The following BRWD1 variants were observed in gnomAD, a reference collection of about 807,000 sequenced individuals.
BRWD1 encodes bromodomain and WD repeat-containing protein 1.
A neutral mutation model predicts 251.2 loss-of-function variants in BRWD1; 82 were observed. That is an observed-to-expected ratio of 0.33 (90% confidence interval 0.27 to 0.39). The LOEUF is 0.39. Among genes scored for constraint, BRWD1 ranks in the 10% least tolerant of loss-of-function variants. The pLI is 1.00. For missense variants in BRWD1, 2,233 were observed against 2,711.6 expected (o/e 0.82, Z 3.92); for synonymous variants, 918 against 902.8 (o/e 1.02, Z -0.30).
intron 9 of BRWD1, among the ~76,000 whole-genome samples, chr21:39,279,372 C>G (rs1372310246): frequency 6.6e-6 from 1 of 152,116 alleles, no homozygotes; most frequent in African/African-American, 2.4e-5. Context: ...GGCGTGGTGG[C>G]TCACGCCTGT....
chr21:39,197,179 G>GT lies in BRWD1; in HGVS notation c.5889dup (p.Pro1964ThrfsTer10), dbSNP rs1432276975. The GT allele has an allele frequency of 1.9e-6, 3 of 1,614,078 alleles. No individual in the cohort carries two copies. The highest frequency in any genetic ancestry group is 2.5e-6 in the Non-Finnish European group (3 of 1,179,958). ...GCTGTAGTACAAGCAAGATGGAGAG[G>GT]TTTTTTCCTTCCATTTTTGCTTCTA... On this transcript the variant is annotated frameshift_variant, in exon 41 of 41. Transcript: ENST00000342449. LOFTEE classifies it low-confidence loss of function (END_TRUNC).
chr21:39,303,166 T>A (rs1490971767), intron 4 of BRWD1, among the ~76,000 whole-genome samples: 1 of 152,142 alleles, frequency 6.6e-6, no homozygotes, highest in Admixed American at 6.5e-5. Context: ...ATATTGGTAA[T>A]GTATATTGAA....
chr21:39,277,664 A>G (rs2035320785), intron 10 of BRWD1, among the ~76,000 whole-genome samples: 2 of 152,066 alleles, frequency 1.3e-5, no homozygotes, highest in South Asian at 4.2e-4. Flanking sequence ...CCCAGGTTCA[A>G]GTAATTCTAC....
Position 39,210,832 on chromosome 21 carries a change from T to C in BRWD1, c.3998A>G (p.Glu1333Gly). 2 of 1,612,904 alleles carry C rather than the reference T, an allele frequency of 1.2e-6. No individual in the cohort carries two copies. Among genetic ancestry groups the C allele is most frequent in the Non-Finnish European group, 1.7e-6 (2 of 1,179,554 alleles). The change falls in exon 35 of 41, where the codon GAA (glutamate) becomes GGA (glycine). Residue 1333 changes from glutamate to glycine, a missense_variant. Transcript: ENST00000342449. ...KELVNLIFQC[E>G]DSEPFRQPVD... is the part of the protein sequence containing the mutation. ...AGGTTGTCTAAATGGTTCAGAATCTTCACACTGAAAAATTAAGTTCACTAG... is the reference window on the plus strand; with the variant it reads ...AGGTTGTCTAAATGGTTCAGAATCTCCACACTGAAAAATTAAGTTCACTAG...
chr21:39,253,189 T>C (rs1383800621), intron 19 of BRWD1, among the ~76,000 whole-genome samples: 1 of 147,092 alleles, frequency 6.8e-6, no homozygotes, highest in Non-Finnish European at 1.5e-5. Flanking sequence ...CTCTGGAGGC[T>C]GAGGCAAGAG....
chr21:39,250,192 A>T (rs2034349078), intron 20 of BRWD1, among the ~76,000 whole-genome samples: 1 of 152,132 alleles, frequency 6.6e-6, no homozygotes, highest in African/African-American at 2.4e-5. Context: ...ATCCCAAGGA[A>T]CTAAGGCCCA....
intron 4 of BRWD1, among the ~76,000 whole-genome samples, chr21:39,304,957 A>ATT (rs36090972): frequency 0.48 from 57,370 of 120,670 alleles, 14,625 homozygotes; most frequent in South Asian, 0.53. Context: ...ATATTTGGAG[A>ATT]TTTTTTTTTT....
chr21:39,228,862 TA>T (rs537030750), intron 26 of BRWD1, among the ~76,000 whole-genome samples: 24 of 151,602 alleles, frequency 1.6e-4, no homozygotes, highest in Non-Finnish European at 2.8e-4. Flanking sequence ...TTCATTTCTT[TA>T]AAAAAAAATG....
intron 32 of BRWD1, among the ~76,000 whole-genome samples, chr21:39,215,024 C>G (rs776090502): frequency 2.7e-5 from 4 of 149,872 alleles, no homozygotes; most frequent in East Asian, 4.0e-4. Context: ...CCCGCCACCA[C>G]GCCCGGCTAA....
chr21:39,295,223 G>T (rs1415159702), intron 7 of BRWD1, among the ~76,000 whole-genome samples: 1 of 113,694 alleles, frequency 8.8e-6, no homozygotes, highest in Admixed American at 1.3e-4. Flanking sequence ...ATCTCGCTCT[G>T]TCGCCCAGGC....
chr21:39,215,122 C>T (rs1319004774), intron 32 of BRWD1, 115 bp downstream of exon 32: 13 of 1,033,706 alleles, frequency 1.3e-5, no homozygotes, highest in African/African-American at 4.8e-5. Context: ...TGACGGCCTT[C>T]ACTTCCCAAA....
Position 39,238,651 on chromosome 21 carries a change from C to A in BRWD1, c.2482-78G>T. On this transcript the variant is annotated intron_variant, in intron 21 of 40. Coordinates refer to ENST00000342449, the MANE Select transcript of BRWD1 (RefSeq NM_033656.4). ...TGTCCAGAAAAAAGCTGTACACAAT[C>A]CTCCCCAGTAAGATTAAATCATCTA... 6.7e-6 allele frequency: 6 copies of A among 890,602 alleles called. No individual in the cohort carries two copies. In the South Asian group the frequency reaches 7.1e-5, roughly 11 times the overall value. The allele number at this position is 890,602 out of a possible 1,614,324, so 55.2% of individuals were successfully genotyped here.
At chr21:39,271,198 A>C (rs2035088034) in intron 13 of BRWD1, among the ~76,000 whole-genome samples, 2 of 152,272 alleles carry the variant, frequency 1.3e-5, no homozygotes, top group South Asian at 4.1e-4. Flanking sequence ...AGGCTGAGGC[A>C]GGAGAATCAT....
At chr21:39,300,941 G>A (rs1002777775) in intron 4 of BRWD1, among the ~76,000 whole-genome samples, 4 of 152,156 alleles carry the variant, frequency 2.6e-5, no homozygotes, top group African/African-American at 9.7e-5. Flanking sequence ...CACTTTGGGA[G>A]GCCAAGGCGG....
chr21:39,269,968 T>C lies in BRWD1; in HGVS notation c.1461A>G (p.Ala487=), dbSNP rs755881276. 3.1e-6 allele frequency: 5 copies of C among 1,593,730 alleles called. No individual in the cohort carries two copies. Among genetic ancestry groups the C allele is most frequent in the Non-Finnish European group, 4.3e-6 (5 of 1,168,908 alleles). The change falls in exon 15 of 41, where the codon GCA becomes GCG. Residue 487 remains alanine (A), a synonymous_variant. Coordinates refer to ENST00000342449, the MANE Select transcript of BRWD1 (RefSeq NM_033656.4). ...HPFDSRIMLS[A]GHDGSIFIWD... is the part of the protein sequence containing the mutation. ...ATATAAATATGCTGCCATCATGTCCTGCAGATAACATAATTCTGGAATCAA... is the reference window on the plus strand; with the variant it reads ...ATATAAATATGCTGCCATCATGTCCCGCAGATAACATAATTCTGGAATCAA...
intron 8 of BRWD1, among the ~76,000 whole-genome samples, chr21:39,292,623 C>T (rs915680974): frequency 6.6e-6 from 1 of 152,138 alleles, no homozygotes; most frequent in Non-Finnish European, 1.5e-5. Flanking sequence ...GCTCTACATC[C>T]AATAACCAAC....
chr21:39,261,701 A>T (rs1238215440), intron 17 of BRWD1, among the ~76,000 whole-genome samples: 1 of 152,216 alleles, frequency 6.6e-6, no homozygotes, highest in African/African-American at 2.4e-5. Context: ...CATACAAATA[A>T]ACAGGTATTG....
chr21:39,198,747 A>G lies in BRWD1; in HGVS notation c.5653+16T>C. 6.5e-7 allele frequency: 1 copy of G among 1,549,528 alleles called. No homozygotes were observed. The highest frequency in any genetic ancestry group is 1.2e-5 in the South Asian group (1 of 81,092). On this transcript the variant is annotated intron_variant, in intron 40 of 40. Coordinates refer to ENST00000342449, the MANE Select transcript of BRWD1 (RefSeq NM_033656.4). Reference sequence around the variant, plus strand: ...TGAGAGTCAATCAGTGAACAAAGATAAATGTTTTGAATTACCTTTCATAAA... The same window carrying G: ...TGAGAGTCAATCAGTGAACAAAGATGAATGTTTTGAATTACCTTTCATAAA...
chr21:39,314,764 G>T (rs2036662215), upstream of BRWD1: 1 of 192,236 alleles, frequency 5.2e-6, no homozygotes, highest in Non-Finnish European at 1.1e-5. Flanking sequence ...ATGTGGTTCG[G>T]GTCAGACTCT....
Sources: allele counts gnomAD v4.1 joint callset (sites outside exome capture counted in the v4.1 genomes callset), GRCh38; gene constraint gnomAD v4.1.1; transcripts MANE v1.5; gene names NCBI Gene and HGNC (gene_info 2026-07-23, HGNC 2026-07-21).